The following SEMA5A variants were observed in gnomAD, a reference collection of about 807,000 sequenced individuals.
SEMA5A encodes the protein semaphorin-5A.
SEMA5A carries 55 observed loss-of-function variants against 135.5 expected under a neutral mutation model. The ratio of observed to expected loss-of-function variants is 0.41; its 90% CI spans 0.33 to 0.51. SEMA5A has a LOEUF of 0.51. SEMA5A is among the 20% of genes least tolerant of loss of function. The pLI, the probability that SEMA5A is intolerant of heterozygous loss-of-function variation, is 0.37. For missense variants in SEMA5A, 1,290 were observed against 1,419.9 expected (o/e 0.91, Z 1.47); for synonymous variants, 580 against 546.5 (o/e 1.06, Z -0.85).
chr5:9,051,781 A>AC, intron 20 of SEMA5A, 92 bp downstream of exon 20: 2 of 1,518,898 alleles, frequency 1.3e-6, no homozygotes, highest in Non-Finnish European at 1.8e-6. Flanking sequence ...TATTTCACCA[A>AC]ATAAGCCAAA....
Position 9,541,406 on chromosome 5 carries a change from A to G in SEMA5A, c.-175+4178T>C, listed in dbSNP as rs566999031. Reference sequence around the variant, plus strand: ...ATTCTACAGAAATACAGTGACAAATAATGAGTGAAAGATGGGAAGATAAAA... The same window carrying G: ...ATTCTACAGAAATACAGTGACAAATGATGAGTGAAAGATGGGAAGATAAAA... On this transcript the variant is annotated intron_variant, in intron 1 of 22. Transcript: ENST00000382496. Among the ~76,000 whole-genome samples the G allele has an allele frequency of 3.7e-4, 57 of 152,344 alleles. 1 individual carries two copies. The South Asian group carries it at 0.012, about 31-fold the overall frequency.
chr5:9,098,289 C>A (rs890976966), intron 16 of SEMA5A, among the ~76,000 whole-genome samples: 3 of 148,984 alleles, frequency 2.0e-5, no homozygotes, highest in South Asian at 4.3e-4. Flanking sequence ...AATGAACAAG[C>A]AACACTACTC....
intron 3 of SEMA5A, among the ~76,000 whole-genome samples, chr5:9,340,600 T>C (rs1753604055): frequency 6.6e-6 from 1 of 152,182 alleles, no homozygotes; most frequent in Admixed American, 6.5e-5. Context: ...AAAGGAGTCA[T>C]GTACAGAGGA....
At chr5:9,394,301 C>T (rs1756293681) in intron 2 of SEMA5A, among the ~76,000 whole-genome samples, 1 of 152,142 alleles carries the variant, frequency 6.6e-6, no homozygotes, top group Admixed American at 6.5e-5. Context: ...CCAAATCAAA[C>T]ACCAGCTCCC....
chr5:9,427,305 G>C (rs1407331442), intron 2 of SEMA5A, among the ~76,000 whole-genome samples: 1 of 151,860 alleles, frequency 6.6e-6, no homozygotes, highest in Non-Finnish European at 1.5e-5. Flanking sequence ...AGAAGACTCT[G>C]TCTCGGGGGG....
chr5:9,442,532 A>G (rs766454547), intron 1 of SEMA5A, among the ~76,000 whole-genome samples: 4 of 152,146 alleles, frequency 2.6e-5, no homozygotes, highest in African/African-American at 4.8e-5. Context: ...GGTTTTACAC[A>G]TTCTTAGAGT....
At chr5:9,133,931 A>G (rs1161568649) in intron 13 of SEMA5A, among the ~76,000 whole-genome samples, 1 of 152,034 alleles carries the variant, frequency 6.6e-6, no homozygotes, top group Non-Finnish European at 1.5e-5. Flanking sequence ...AGGTAATTGA[A>G]TCATGGGGGT....
chr5:9,285,787 T>A (rs747937786), intron 5 of SEMA5A, among the ~76,000 whole-genome samples: 5 of 152,260 alleles, frequency 3.3e-5, no homozygotes, highest in Admixed American at 3.3e-4. Flanking sequence ...GGTGACCTCC[T>A]ATAATGACCT....
intron 9 of SEMA5A, among the ~76,000 whole-genome samples, chr5:9,199,626 C>T (rs1745597774): frequency 6.6e-6 from 1 of 152,272 alleles, no homozygotes; most frequent in Non-Finnish European, 1.5e-5. Flanking sequence ...CTTCTATCAG[C>T]AATCAAGGTA....
In SEMA5A at chr5:9,219,484, GT is replaced by G. The variant is rs200635191; in HGVS notation, c.646+5189del. On this transcript the variant is annotated intron_variant, in intron 8 of 22. Coordinates refer to ENST00000382496, the MANE Select transcript of SEMA5A (RefSeq NM_003966.3). The stretch of plus-strand genomic sequence containing the variant: ...GAATGTAACTATACTCAAAAACAGG[GT>G]CTTCAAGTGGGTAATTAGGTTAAAA... Among the ~76,000 whole-genome samples the G allele has an allele frequency of 5.8e-3, 890 of 152,262 alleles. 10 individuals carry two copies. The highest frequency in any genetic ancestry group is 0.02 in the African/African-American group (848 of 41,542).
At chr5:9,062,800 A>T (rs536229187) in intron 18 of SEMA5A, 87 bp downstream of exon 18, 2 of 1,347,480 alleles carry the variant, frequency 1.5e-6, no homozygotes, top group Admixed American at 3.5e-5. Flanking sequence ...ACACGAAGCC[A>T]GGGAGCTGCG....
intron 8 of SEMA5A, among the ~76,000 whole-genome samples, chr5:9,216,605 A>G (rs1465317559): frequency 6.6e-6 from 1 of 151,368 alleles, no homozygotes; most frequent in Non-Finnish European, 1.5e-5. Context: ...TCACATTATT[A>G]TTGTGTGTGA....
chr5:9,279,724 G>A (rs1750446962), intron 5 of SEMA5A, among the ~76,000 whole-genome samples: 1 of 151,968 alleles, frequency 6.6e-6, no homozygotes, highest in South Asian at 2.1e-4. Flanking sequence ...ACAACATGTG[G>A]CACTTCCCCC....
At chr5:9,500,684 T>A (rs558260044) in intron 1 of SEMA5A, among the ~76,000 whole-genome samples, 1 of 152,172 alleles carries the variant, frequency 6.6e-6, no homozygotes, top group Non-Finnish European at 1.5e-5. Context: ...TATAACTATA[T>A]CACATGCAGT....
chr5:9,226,012 T>C (rs1747289944), intron 7 of SEMA5A, among the ~76,000 whole-genome samples: 1 of 152,130 alleles, frequency 6.6e-6, no homozygotes, highest in Non-Finnish European at 1.5e-5. Flanking sequence ...AGTAGCGATC[T>C]TGTGGGGCAG....
chr5:9,378,842 T>C lies in SEMA5A; in HGVS notation c.124+981A>G, dbSNP rs574150934. ...CTTGATGATGTCATGAAATCATTTA[T>C]TATTTGTTTGTTTGTTTGCTGTGAT... On this transcript the variant is annotated intron_variant, in intron 3 of 22. Transcript: ENST00000382496. Among the ~76,000 whole-genome samples the C allele has an allele frequency of 1.8e-3, 275 of 151,994 alleles. 3 individuals are homozygous for C. The highest frequency in any genetic ancestry group is 0.012 in the South Asian group (59 of 4,830).
intron 1 of SEMA5A, among the ~76,000 whole-genome samples, chr5:9,459,006 A>C (rs750531237): frequency 5.3e-5 from 8 of 152,218 alleles, no homozygotes; most frequent in Non-Finnish European, 1.0e-4. Flanking sequence ...CTATTTTCAC[A>C]AGAAAATATG....
intron 3 of SEMA5A, among the ~76,000 whole-genome samples, chr5:9,366,420 G>T (rs559584511): frequency 6.8e-6 from 1 of 146,946 alleles, no homozygotes; most frequent in African/African-American, 2.5e-5. Context: ...ATGGAGTCTC[G>T]CTCTGTCGCC....
intron 13 of SEMA5A, among the ~76,000 whole-genome samples, chr5:9,135,432 C>T (rs1360068538): frequency 5.3e-5 from 8 of 151,914 alleles, no homozygotes; most frequent in African/African-American, 9.7e-5. Flanking sequence ...CCACCTGCCT[C>T]GGCCTCCCAA....
Sources: gnomAD v4.1 joint callset for allele counts (sites outside exome capture counted in the v4.1 genomes callset) on GRCh38, gnomAD v4.1.1 for gene constraint, MANE v1.5 for transcripts, NCBI Gene and HGNC (gene_info 2026-07-23, HGNC 2026-07-21) for gene names.